The following ANKS1A variants were observed in gnomAD, a reference collection of about 807,000 sequenced individuals.
ANKS1A encodes the protein ankyrin repeat and sterile alpha motif domain containing 1A, also known as ankyrin repeat and SAM domain-containing protein 1A.
ANKS1A carries 55 observed loss-of-function variants against 120.3 expected under a neutral mutation model. The ratio of observed to expected loss-of-function variants is 0.46; its 90% confidence interval spans 0.37 to 0.57. ANKS1A has a LOEUF of 0.57. Among genes scored for constraint, ANKS1A ranks in the 20% least tolerant of loss-of-function variants. The pLI is 0.00. For missense variants in ANKS1A, 1,123 were observed against 1,480.3 expected (o/e 0.76, Z 3.96); for synonymous variants, 590 against 604.7 (o/e 0.98, Z 0.36).
At chr6:34,960,329 T>G (rs1770571546) in intron 1 of ANKS1A, among the ~76,000 whole-genome samples, 1 of 152,152 alleles carries the variant, frequency 6.6e-6, no homozygotes, top group East Asian at 1.9e-4. Context: ...ATAGGCATCA[T>G]AGGATCTATT....
chr6:35,019,183 A>G (rs1426424558), intron 11 of ANKS1A, among the ~76,000 whole-genome samples: 1 of 152,146 alleles, frequency 6.6e-6, no homozygotes, highest in East Asian at 1.9e-4. Context: ...ACACCATGGG[A>G]ATGTTAAAGT....
At position 34,994,337 on chromosome 6, in the gene ANKS1A, A is replaced by C. The variant is rs766006423; in HGVS notation, c.1338A>C (p.Ala446=). ...LSMRPRIHGS[A]AREEDEHPYE... ...TGAGACCTAGGATTCATGGGAGTGC[A>C]GCCCGGGAAGAAGACGAACACCCTT... Residue 446 remains alanine (A), a synonymous_variant, in exon 10 of 24, where the codon GCA becomes GCC. Coordinates refer to ENST00000360359, the MANE Select transcript of ANKS1A (RefSeq NM_015245.3). The C allele has an allele frequency of 1.7e-5, 28 of 1,613,338 alleles. No individual in the cohort carries two copies. The highest frequency in any genetic ancestry group is 2.4e-5 in the Non-Finnish European group (28 of 1,179,552).
At chr6:34,978,357 T>C (rs1462949696) in intron 3 of ANKS1A, among the ~76,000 whole-genome samples, 1 of 152,160 alleles carries the variant, frequency 6.6e-6, no homozygotes, top group Non-Finnish European at 1.5e-5. Flanking sequence ...TCCAGATTAG[T>C]AGTAATAGGA....
At chr6:34,931,027 C>G (rs1768954856) in intron 1 of ANKS1A, among the ~76,000 whole-genome samples, 1 of 151,794 alleles carries the variant, frequency 6.6e-6, no homozygotes, top group Admixed American at 6.6e-5. Flanking sequence ...CAGGCATGCA[C>G]CACCATGCCT....
chr6:34,889,678 G>A lies in ANKS1A; in HGVS notation c.197+79G>A, dbSNP rs1168223123. ...GTCTCTTGGGTCCCCAGAGAGATCG[G>A]GGGTCCTGAGACTCGGGCGGGGTGG... On this transcript the variant is annotated intron_variant, in intron 1 of 23. Transcript: ENST00000360359. This position sits in a 1 kb window ranked among gnomAD's most constrained non-coding sequence, Gnocchi z 5.5. 8.3e-7 allele frequency: 1 copy of A among 1,204,186 alleles called. No homozygotes were observed. Among genetic ancestry groups the A allele is most frequent in the East Asian group, 3.8e-5 (1 of 26,508 alleles). The allele number at this position is 1,204,186 out of a possible 1,614,324, so 74.6% of individuals were successfully genotyped here. A position where few individuals can be genotyped will look rare whatever the true frequency, so the allele number is the denominator to read the frequency against.
chr6:35,030,464 G>A (rs1774853631), intron 11 of ANKS1A, among the ~76,000 whole-genome samples: 1 of 152,190 alleles, frequency 6.6e-6, no homozygotes, highest in Non-Finnish European at 1.5e-5. Flanking sequence ...AGGAATCCTA[G>A]TTACCATGTA....
At chr6:35,055,113 G>A (rs1776151099) in intron 12 of ANKS1A, among the ~76,000 whole-genome samples, 1 of 152,232 alleles carries the variant, frequency 6.6e-6, no homozygotes, top group African/African-American at 2.4e-5. Flanking sequence ...GGGCTTGAGT[G>A]TGCACATCAG....
At chr6:35,071,043 T>TGATTTGTC (rs1239324012) in intron 13 of ANKS1A, 1 of 449,296 alleles carries the variant, frequency 2.2e-6, no homozygotes, top group Non-Finnish European at 4.2e-6. Flanking sequence ...TTACTTAGGT[T>TGATTTGTC]GATTTGCCAG....
At chr6:35,029,589 A>G (rs971147568) in intron 11 of ANKS1A, among the ~76,000 whole-genome samples, 7 of 151,602 alleles carry the variant, frequency 4.6e-5, no homozygotes, top group Non-Finnish European at 1.0e-4. Context: ...ACCTCAGGTG[A>G]TCCACCCACC....
chr6:34,897,751 G>T (rs1308617889), intron 1 of ANKS1A, among the ~76,000 whole-genome samples: 1 of 152,180 alleles, frequency 6.6e-6, no homozygotes, highest in Non-Finnish European at 1.5e-5. Context: ...TCAGTAATTT[G>T]TAGATCAAGT....
chr6:34,993,699 G>A (rs866722385), intron 9 of ANKS1A, among the ~76,000 whole-genome samples: 25 of 152,208 alleles, frequency 1.6e-4, no homozygotes, highest in African/African-American at 4.8e-4. Flanking sequence ...CAAATGTTGA[G>A]GGTCAGTTGG....
chr6:35,085,289 A>G lies in ANKS1A; in HGVS notation c.3133-477A>G, dbSNP rs1314069895. On this transcript the variant is annotated intron_variant, in intron 21 of 23. Coordinates refer to ENST00000360359, the MANE Select transcript of ANKS1A (RefSeq NM_015245.3). This position sits in a 1 kb window ranked among gnomAD's most constrained non-coding sequence, Gnocchi z 4.7. ...TACCTGTTGCTGACTTTTCCCACAT[A>G]CACTCAGTTCTGCTGTAACGCCACA... Among the ~76,000 whole-genome samples, 1 of 152,174 alleles carries G rather than the reference A, an allele frequency of 6.6e-6. No individual in the cohort carries two copies. Among genetic ancestry groups the G allele is most frequent in the Non-Finnish European group, 1.5e-5 (1 of 68,030 alleles).
At chr6:34,967,211 GTC>G (rs748336813) in intron 1 of ANKS1A, 26 bp from the exon 2 acceptor site, 5 of 1,603,842 alleles carry the variant, frequency 3.1e-6, no homozygotes, top group Non-Finnish European at 4.3e-6. Flanking sequence ...TGAAATCTAT[GTC>G]TCTCTCTTTT....
chr6:35,004,689 A>G (rs1773358262), intron 10 of ANKS1A, among the ~76,000 whole-genome samples: 1 of 20,134 alleles, frequency 5.0e-5, no homozygotes, highest in Admixed American at 7.5e-4. Context: ...AGGCCAAGGA[A>G]GGCTTACTTG....
At position 35,079,509 on chromosome 6, in the gene ANKS1A, C is replaced by T; in HGVS notation, c.2284-7C>T. ...ATGTCAGTTTCACCTCCCTCCTTGC[C>T]CTGTAGGTGAAGGCTCTGGGTTATG... On this transcript the variant is annotated splice_polypyrimidine_tract_variant and splice_region_variant and intron_variant, in intron 14 of 23. Transcript: ENST00000360359. The T allele has an allele frequency of 6.2e-7, 1 of 1,613,520 alleles. No individual in the cohort carries two copies. The highest frequency in any genetic ancestry group is 1.1e-5 in the South Asian group (1 of 91,060).
At position 35,086,438 on chromosome 6, in the gene ANKS1A, C is replaced by A; in HGVS notation, c.3303+502C>A. The A allele has an allele frequency of 9.2e-7, 1 of 1,087,506 alleles. No individual in the cohort carries two copies. Among genetic ancestry groups the A allele is most frequent in the Non-Finnish European group, 1.2e-6 (1 of 804,178 alleles). 67.4% of individuals were successfully genotyped at this position (1,087,506 alleles called of 1,614,324 possible). A position where few individuals can be genotyped will look rare whatever the true frequency, so the allele number is the denominator to read the frequency against. Reference sequence around the variant, plus strand: ...GACCGTGAGCGCTCTTAGCCTCTGGCGGCCTCTCCCTCTGCCTGTGTGACA... The same window carrying A: ...GACCGTGAGCGCTCTTAGCCTCTGGAGGCCTCTCCCTCTGCCTGTGTGACA... On this transcript the variant is annotated intron_variant, in intron 22 of 23. Transcript: ENST00000360359. This position sits in a 1 kb window ranked among gnomAD's most constrained non-coding sequence, Gnocchi z 5.1.
At chr6:35,047,431 C>G (rs943764176) in intron 11 of ANKS1A, among the ~76,000 whole-genome samples, 1 of 152,144 alleles carries the variant, frequency 6.6e-6, no homozygotes, top group African/African-American at 2.4e-5. Context: ...GTGAAAGAAC[C>G]AGACCGAGAG....
chr6:34,995,126 G>T (rs1017980600), intron 10 of ANKS1A, among the ~76,000 whole-genome samples: 4 of 152,182 alleles, frequency 2.6e-5, no homozygotes, highest in African/African-American at 9.7e-5. Flanking sequence ...TCTACAGCTT[G>T]CAGGTATTAG....
intron 9 of ANKS1A, 74 bp from the exon 10 acceptor site, chr6:34,994,228 T>G: frequency 6.5e-7 from 1 of 1,547,646 alleles, no homozygotes; most frequent in Non-Finnish European, 8.7e-7. Flanking sequence ...GCCAATAATC[T>G]CGAATTTGTT....
Sources: allele counts gnomAD v4.1 joint callset (sites outside exome capture counted in the v4.1 genomes callset), GRCh38; gene constraint gnomAD v4.1.1; non-coding constraint Gnocchi (gnomAD v3.1); transcripts MANE v1.5; gene names NCBI Gene and HGNC (gene_info 2026-07-23, HGNC 2026-07-21).